The following TBC1D22A variants were observed in gnomAD, a reference collection of about 807,000 sequenced individuals.
TBC1D22A encodes putative GTPase activator.
Under a neutral mutation model 60.2 loss-of-function variants are expected in TBC1D22A, and 38 were observed. That is an observed-to-expected ratio of 0.63 (90% CI 0.49 to 0.83). The LOEUF is 0.83. Ranked by LOEUF, TBC1D22A falls within the 40% of genes least tolerant of loss-of-function variation. TBC1D22A has a pLI of 0.00. For synonymous variants in TBC1D22A, 302 were observed against 281.7 expected, an observed-to-expected ratio of 1.07 and a Z score of -0.72; for missense variants, 628 against 701.0, an observed-to-expected ratio of 0.90 and a Z score of 1.18.
chr22:46,939,209 G>T (rs2071841279), intron 8 of TBC1D22A, among the ~76,000 whole-genome samples: 1 of 152,204 alleles, frequency 6.6e-6, no homozygotes, highest in African/African-American at 2.4e-5. Context: ...GAAGATGAAT[G>T]CAGACAGATT....
chr22:46,954,655 C>T (rs966097382), intron 8 of TBC1D22A, among the ~76,000 whole-genome samples: 2 of 147,218 alleles, frequency 1.4e-5, no homozygotes, highest in African/African-American at 5.4e-5. Flanking sequence ...AAACAGCCAC[C>T]GAACGTGGCT....
chr22:47,124,141 G>A (rs981977444), intron 12 of TBC1D22A, among the ~76,000 whole-genome samples: 3 of 152,210 alleles, frequency 2.0e-5, no homozygotes, highest in Admixed American at 6.5e-5. Context: ...TTGGGTCAGC[G>A]GGGGAGGGCA....
At chr22:46,929,391 A>G (rs2071224066) in intron 8 of TBC1D22A, among the ~76,000 whole-genome samples, 1 of 152,220 alleles carries the variant, frequency 6.6e-6, no homozygotes, top group South Asian at 2.1e-4. Context: ...TCTCACCACC[A>G]TGTGAGAGAG....
chr22:46,966,108 C>T (rs577471236), intron 8 of TBC1D22A, among the ~76,000 whole-genome samples: 1 of 152,332 alleles, frequency 6.6e-6, no homozygotes, highest in South Asian at 2.1e-4. Flanking sequence ...ATCACGCTCC[C>T]CACAAGCTCT....
chr22:46,901,759 A>C (rs1176837654), intron 7 of TBC1D22A, among the ~76,000 whole-genome samples: 2 of 152,078 alleles, frequency 1.3e-5, no homozygotes, highest in African/African-American at 4.8e-5. Context: ...GTTGTAAATA[A>C]TTTCTTCTTT....
intron 7 of TBC1D22A, among the ~76,000 whole-genome samples, chr22:46,911,219 T>C (rs1602442162): frequency 6.6e-6 from 1 of 151,580 alleles, no homozygotes; most frequent in East Asian, 1.9e-4. Flanking sequence ...ATATTGAGAG[T>C]ATTGGAGGGA....
chr22:47,165,671 C>G (rs990836462), intron 12 of TBC1D22A, among the ~76,000 whole-genome samples: 1 of 152,266 alleles, frequency 6.6e-6, no homozygotes, highest in Admixed American at 6.5e-5. Context: ...CCAGCCTGTC[C>G]GCTCCTCAGG....
chr22:47,127,468 A>G (rs1422426344), intron 12 of TBC1D22A, among the ~76,000 whole-genome samples: 1 of 139,242 alleles, frequency 7.2e-6, no homozygotes, highest in African/African-American at 2.7e-5. Context: ...CAGGTGATCC[A>G]CCCACCCCGG....
chr22:46,903,772 G>T (rs993631223), intron 7 of TBC1D22A, among the ~76,000 whole-genome samples: 9 of 152,188 alleles, frequency 5.9e-5, no homozygotes, highest in Non-Finnish European at 1.2e-4. Flanking sequence ...TCCTTGAAGA[G>T]ATTCTTACCT....
chr22:47,158,290 G>A lies in TBC1D22A; in HGVS notation c.1426-15208G>A, dbSNP rs549449783. Reference sequence around the variant, plus strand: ...CAGACGCTTAAGCACATTGAGAGCTGCAACAATAAAGTGCTTAAGAAAGTC... The same window carrying A: ...CAGACGCTTAAGCACATTGAGAGCTACAACAATAAAGTGCTTAAGAAAGTC... On this transcript the variant is annotated intron_variant, in intron 12 of 12. Coordinates refer to ENST00000337137, the MANE Select transcript of TBC1D22A (RefSeq NM_014346.5). Among the ~76,000 whole-genome samples the A allele has an allele frequency of 5.3e-5, 8 of 152,346 alleles. No homozygotes were observed. In the South Asian group the frequency reaches 1.7e-3, roughly 32 times the overall value.
At chr22:46,850,721 C>T (rs1285818247) in intron 4 of TBC1D22A, among the ~76,000 whole-genome samples, 2 of 152,138 alleles carry the variant, frequency 1.3e-5, no homozygotes, top group Non-Finnish European at 2.9e-5. Context: ...AATGAAAACC[C>T]ATGTCCACAT....
chr22:47,021,661 ACCTGTAG>A (rs990650296), intron 10 of TBC1D22A, among the ~76,000 whole-genome samples: 51 of 152,360 alleles, frequency 3.3e-4, no homozygotes, highest in African/African-American at 1.1e-3. Flanking sequence ...GCAGAACCCC[ACCTGTAG>A]CCTGGGCCCA....
chr22:46,838,876 A>G (rs1343375346), intron 4 of TBC1D22A, among the ~76,000 whole-genome samples: 2 of 152,226 alleles, frequency 1.3e-5, no homozygotes, highest in Non-Finnish European at 2.9e-5. Context: ...AAAACTTTCA[A>G]TAAATCAGGT....
intron 10 of TBC1D22A, among the ~76,000 whole-genome samples, chr22:47,016,167 C>A (rs559535285): frequency 1.3e-5 from 2 of 152,304 alleles, no homozygotes; most frequent in African/African-American, 4.8e-5. Context: ...TTACAGTGGG[C>A]ACTGGCGCCC....
chr22:46,828,017 C>T lies in TBC1D22A; in HGVS notation c.637+30397C>T, dbSNP rs2086145492. On this transcript the variant is annotated intron_variant, in intron 4 of 12. Transcript: ENST00000337137. ...GCAGTGTAATTTCCCCACAAGGTGTCACTGCAGATTATTCCCAGGACTTTC... is the reference window on the plus strand; with the variant it reads ...GCAGTGTAATTTCCCCACAAGGTGTTACTGCAGATTATTCCCAGGACTTTC... Among the ~76,000 whole-genome samples, 3 of 152,150 alleles carry T rather than the reference C, an allele frequency of 2.0e-5. No homozygotes were observed. The South Asian group carries it at 6.2e-4, about 32-fold the overall frequency.
chr22:47,056,222 T>C (rs58580778), intron 11 of TBC1D22A, among the ~76,000 whole-genome samples: 3,823 of 152,128 alleles, frequency 0.025, 172 homozygotes, highest in African/African-American at 0.088. Flanking sequence ...AGCCGTGGTG[T>C]AGACTGCTCG....
intron 11 of TBC1D22A, among the ~76,000 whole-genome samples, chr22:47,057,643 T>A (rs2063437438): frequency 6.6e-6 from 1 of 152,200 alleles, no homozygotes; most frequent in Non-Finnish European, 1.5e-5. Flanking sequence ...AAGCGCGTCT[T>A]ACATAGCGGC....
chr22:46,817,867 C>T (rs2085669929), intron 4 of TBC1D22A, among the ~76,000 whole-genome samples: 1 of 152,198 alleles, frequency 6.6e-6, no homozygotes. Context: ...AATTTACATT[C>T]CCACCAGCAG....
chr22:47,111,444 C>T, intron 11 of TBC1D22A, 64 bp from the exon 12 acceptor site: 3 of 1,457,978 alleles, frequency 2.1e-6, no homozygotes, highest in Non-Finnish European at 2.9e-6. Flanking sequence ...TCGCAGATAA[C>T]CTCGCAGTGA....
Sources: allele counts gnomAD v4.1 joint callset (sites outside exome capture counted in the v4.1 genomes callset), GRCh38; gene constraint gnomAD v4.1.1; transcripts MANE v1.5; gene names NCBI Gene and HGNC (gene_info 2026-07-23, HGNC 2026-07-21).